Variants in LINC00632 observed in about 807,000 individuals in gnomAD.
LINC00632 encodes long independently transcribed non-coding RNA 632.
chrX:140,723,360 A>G (rs922521624), intron 2 of LINC00632, among the ~76,000 whole-genome samples: 2 of 906 alleles, frequency 2.2e-3, no homozygotes, highest in Non-Finnish European at 5.9e-3. Context: ...TACATTCCAC[A>G]CACACACACA....
exon 5 of LINC00632, among the ~76,000 whole-genome samples, chrX:140,789,920 A>AAAG (rs200060768): frequency 5.4e-5 from 6 of 111,486 alleles, no homozygotes; most frequent in Admixed American, 1.9e-4. Flanking sequence ...TATTTACTAT[A>AAAG]AAGAAGATTT....
intron 3 of LINC00632, among the ~76,000 whole-genome samples, chrX:140,752,993 A>G (rs1209588258): frequency 8.9e-6 from 1 of 112,241 alleles, no homozygotes. Context: ...ATTATTTAAC[A>G]TAAAATGTAA....
At chrX:140,750,898 T>C (rs779245969) in intron 3 of LINC00632, among the ~76,000 whole-genome samples, 29 of 111,941 alleles carry the variant, frequency 2.6e-4, no homozygotes, top group Non-Finnish European at 4.1e-4. Context: ...CCTGAGTTAC[T>C]TCACTTAGAA....
intron 3 of LINC00632, chrX:140,764,717 G>T (rs190536237): frequency 8.9e-6 from 1 of 111,946 alleles, no homozygotes; most frequent in African/African-American, 3.2e-5. Context: ...ACTCCTTCCC[G>T]TATTCCGCTT....
intron 3 of LINC00632, among the ~76,000 whole-genome samples, chrX:140,768,718 TTAATTAAATATA>T (rs1278161408): frequency 4.1e-5 from 4 of 98,421 alleles, no homozygotes; most frequent in African/African-American, 1.1e-4. Context: ...AAATATATAT[TTAATTAAATATA>T]TAATTAAATA....
chrX:140,752,876 A>C (rs1931430558), intron 3 of LINC00632, among the ~76,000 whole-genome samples: 1 of 111,508 alleles, frequency 9.0e-6, no homozygotes, highest in Non-Finnish European at 1.9e-5. Flanking sequence ...TCTCATGCTT[A>C]GTGTGCTGAA....
chrX:140,780,002 C>T (rs1389590230), exon 5 of LINC00632, among the ~76,000 whole-genome samples: 1 of 111,283 alleles, frequency 9.0e-6, no homozygotes, highest in African/African-American at 3.3e-5. Flanking sequence ...TGTAATCACA[C>T]GGATCTGCTT....
At chrX:140,773,776 C>T (rs1350152226) in exon 4 of LINC00632, among the ~76,000 whole-genome samples, 1 of 111,970 alleles carries the variant, frequency 8.9e-6, no homozygotes, top group Admixed American at 9.5e-5. Context: ...CAGTACGACT[C>T]CACTCCTTCA....
In LINC00632 at chrX:140,759,294, TTCC is replaced by T. The variant is rs61030137; in HGVS notation, n.192-12782_192-12780del. On this transcript the variant is annotated intron_variant and non_coding_transcript_variant, in intron 3 of 4. Coordinates refer to ENST00000648200, the Ensembl canonical transcript of LINC00632. ...AGGCCTCTTTTCTTTCTTTCTTTCC[TTCC>T]TTCCTTCCTTCCTTCCTTCCTTCCT... is the stretch of plus-strand genomic sequence containing the variant. Among the ~76,000 whole-genome samples the T allele has an allele frequency of 7.2e-3, 207 of 28,618 alleles. 1 individual carries two copies. Among genetic ancestry groups the T allele is most frequent in the African/African-American group, 0.025 (192 of 7,614 alleles). The allele number at this position is 28,618 out of a possible 115,157, so 24.9% of individuals were successfully genotyped here.
At chrX:140,756,866 G>GT (rs986340507) in intron 3 of LINC00632, among the ~76,000 whole-genome samples, 1 of 111,031 alleles carries the variant, frequency 9.0e-6, no homozygotes, top group African/African-American at 3.3e-5. Flanking sequence ...TTTGACAAGT[G>GT]TTTAGTGTTT....
At chrX:140,748,959 T>C (rs1245783079) in intron 3 of LINC00632, among the ~76,000 whole-genome samples, 1 of 108,712 alleles carries the variant, frequency 9.2e-6, no homozygotes, top group Non-Finnish European at 1.9e-5. Flanking sequence ...TAATTGTTAA[T>C]TGTAATAATA....
chrX:140,757,973 C>T (rs1931523057), intron 3 of LINC00632, among the ~76,000 whole-genome samples: 1 of 111,382 alleles, frequency 9.0e-6, no homozygotes, highest in African/African-American at 3.3e-5. Flanking sequence ...TCTCTTTTTT[C>T]CTATAAATCT....
intron 3 of LINC00632, chrX:140,772,054 A>G (rs1931808371): frequency 7.0e-6 from 2 of 284,873 alleles, no homozygotes; most frequent in South Asian, 2.5e-4. Context: ...CTCATTTCCT[A>G]TTTTTATGTT....
chrX:140,732,920 G>A (rs1264943400), intron 2 of LINC00632, among the ~76,000 whole-genome samples: 2 of 110,500 alleles, frequency 1.8e-5, no homozygotes, highest in Non-Finnish European at 3.8e-5. Flanking sequence ...CCACCACCAC[G>A]CCTGGCTAAT....
At chrX:140,768,926 A>G (rs1931745445) in intron 3 of LINC00632, among the ~76,000 whole-genome samples, 1 of 107,453 alleles carries the variant, frequency 9.3e-6, no homozygotes, top group Admixed American at 1.1e-4. Context: ...TGGTCATATA[A>G]TGGAATGAAT....
intron 2 of LINC00632, chrX:140,713,612 AC>A (rs1235050507): frequency 5.9e-6 from 2 of 340,324 alleles, no homozygotes; most frequent in East Asian, 9.8e-5. Flanking sequence ...AAACACATTT[AC>A]CCCCACAGCA....
intron 3 of LINC00632, among the ~76,000 whole-genome samples, chrX:140,735,051 C>T (rs756921931): frequency 2.3e-4 from 26 of 111,431 alleles, no homozygotes; most frequent in Non-Finnish European, 3.8e-5. Flanking sequence ...AGGCATGAGC[C>T]ACCCTGTCTG....
chrX:140,718,092 T>C (rs57699958), intron 2 of LINC00632, among the ~76,000 whole-genome samples: 2 of 110,365 alleles, frequency 1.8e-5, no homozygotes, highest in African/African-American at 6.6e-5. Flanking sequence ...GCCAAGATCA[T>C]GCCATTGCAC....
chrX:140,737,190 G>A (rs75635196), intron 3 of LINC00632, among the ~76,000 whole-genome samples: 1,568 of 111,244 alleles, frequency 0.014, 26 homozygotes, highest in African/African-American at 0.048. Context: ...TTTAGCCACC[G>A]CAGTCGGCTG....
Sources: gnomAD v4.1 joint callset for allele counts (sites outside exome capture counted in the v4.1 genomes callset) on GRCh38, gnomAD v4.1.1 for gene constraint, MANE v1.5 for transcripts, NCBI Gene and HGNC (gene_info 2026-07-23, HGNC 2026-07-21) for gene names.